Variants in BEND5 observed in about 807,000 individuals in gnomAD.
The protein encoded by BEND5 is BEN domain containing 5.
In BEND5, 22 loss-of-function variants were observed where a neutral mutation model predicts 43.9. The ratio of observed to expected loss-of-function variants is 0.50; its 90% CI spans 0.36 to 0.72. The LOEUF is 0.72. Ranked by LOEUF, BEND5 falls within the 30% of genes least tolerant of loss-of-function variation. BEND5 has a pLI of 0.00. For synonymous variants in BEND5, 228 were observed against 225.9 expected, an observed-to-expected ratio of 1.01 and a Z score of -0.08; for missense variants, 428 against 550.6, an observed-to-expected ratio of 0.78 and a Z score of 2.23.
chr1:48,742,102 C>A (rs1477733894), intron 4 of BEND5, among the ~76,000 whole-genome samples: 2 of 152,238 alleles, frequency 1.3e-5, no homozygotes, highest in Admixed American at 6.5e-5. Flanking sequence ...GCTGCATACA[C>A]AGCTTGAAGG....
rs530030093 is a variant in BEND5 at position 48,756,266 on chromosome 1, G to A, written c.745+2634C>T. On this transcript the variant is annotated intron_variant, in intron 3 of 5. Transcript: ENST00000371833. ...TCATTCAGGCTTCAGCCTAAAAGTTGTTTCCTTCAGGAAGCCTTCCTTCTC... is the reference window on the plus strand; with the variant it reads ...TCATTCAGGCTTCAGCCTAAAAGTTATTTCCTTCAGGAAGCCTTCCTTCTC... 1.2e-4 allele frequency among the ~76,000 whole-genome samples: 18 copies of A among 152,350 alleles called. No homozygotes were observed. The South Asian group carries it at 3.5e-3, about 30-fold the overall frequency.
chr1:48,728,482 CTTT>C (rs11441549), intron 5 of BEND5, among the ~76,000 whole-genome samples: 12 of 137,116 alleles, frequency 8.8e-5, no homozygotes, highest in Non-Finnish European at 9.4e-5. Context: ...TTCTGACTTG[CTTT>C]TTTTTTTTTT....
chr1:48,775,111 C>G (rs1044561025), intron 1 of BEND5, among the ~76,000 whole-genome samples: 3 of 152,170 alleles, frequency 2.0e-5, no homozygotes, highest in Non-Finnish European at 4.4e-5. Flanking sequence ...ACCTAATCAG[C>G]TATGAATGGT....
At chr1:48,735,022 C>T (rs1648793825) in intron 5 of BEND5, among the ~76,000 whole-genome samples, 1 of 152,244 alleles carries the variant, frequency 6.6e-6, no homozygotes, top group Non-Finnish European at 1.5e-5. Context: ...AGTTACTTAA[C>T]ATTTCTGTGT....
At chr1:48,754,162 T>C (rs375828638) in intron 3 of BEND5, among the ~76,000 whole-genome samples, 1 of 152,176 alleles carries the variant, frequency 6.6e-6, no homozygotes, top group South Asian at 2.1e-4. Context: ...ACCGTAGCCT[T>C]GGACTTTGCC....
chr1:48,740,643 T>C (rs1649773852), intron 4 of BEND5, among the ~76,000 whole-genome samples: 1 of 152,154 alleles, frequency 6.6e-6, no homozygotes, highest in South Asian at 2.1e-4. Flanking sequence ...TTGATCAAAA[T>C]ATATTTATGT....
intron 4 of BEND5, among the ~76,000 whole-genome samples, chr1:48,738,050 A>C (rs1649340047): frequency 1.3e-5 from 2 of 152,238 alleles, no homozygotes; most frequent in African/African-American, 2.4e-5. Context: ...CAGACCAGCA[A>C]GATCAATTGT....
intron 4 of BEND5, among the ~76,000 whole-genome samples, chr1:48,742,153 T>A (rs184078867): frequency 2.2e-3 from 328 of 152,324 alleles, no homozygotes; most frequent in African/African-American, 7.4e-3. Context: ...CTTCCCTGTA[T>A]TCCTGTTATC....
chr1:48,743,406 G>A (rs902813920), intron 3 of BEND5, among the ~76,000 whole-genome samples: 1 of 152,338 alleles, frequency 6.6e-6, no homozygotes, highest in African/African-American at 2.4e-5. Context: ...AATGGTGATA[G>A]TTTCTAAAGG....
chr1:48,762,652 G>A lies in BEND5; in HGVS notation c.227-1182C>T, dbSNP rs560339939. Among the ~76,000 whole-genome samples the A allele has an allele frequency of 2.7e-5, 4 of 147,126 alleles. No individual in the cohort carries two copies. In the East Asian group the frequency reaches 6.0e-4, roughly 22 times the overall value. On this transcript the variant is annotated intron_variant, in intron 1 of 5. Coordinates refer to ENST00000371833, the MANE Select transcript of BEND5 (RefSeq NM_024603.4). The stretch of plus-strand genomic sequence containing the variant: ...TGTGTGTGTGTGTGTGTGTGTGTGT[G>A]TGTGTGTATGTATTTGCATGTGTTA...
chr1:48,762,614 TTGTGTG>T (rs58396843), intron 1 of BEND5, among the ~76,000 whole-genome samples: 1,050 of 75,164 alleles, frequency 0.014, 9 homozygotes, highest in South Asian at 0.056. Flanking sequence ...TTTAAGGGTT[TTGTGTG>T]TGTGTGTGTG....
chr1:48,753,026 G>C (rs1394243698), intron 3 of BEND5, among the ~76,000 whole-genome samples: 1 of 152,186 alleles, frequency 6.6e-6, no homozygotes, highest in African/African-American at 2.4e-5. Flanking sequence ...GGGATTACAG[G>C]CGTGAGCCAC....
chr1:48,759,682 G>A (rs1644152172), intron 2 of BEND5, among the ~76,000 whole-genome samples: 1 of 152,166 alleles, frequency 6.6e-6, no homozygotes, highest in South Asian at 2.1e-4. Flanking sequence ...GAGAATCAGG[G>A]AGAAATGAGG....
At chr1:48,750,267 G>A (rs975602854) in intron 3 of BEND5, among the ~76,000 whole-genome samples, 2 of 152,124 alleles carry the variant, frequency 1.3e-5, no homozygotes, top group African/African-American at 4.8e-5. Context: ...CCTGTAGGAG[G>A]GGCTGGGGTA....
At position 48,771,149 on chromosome 1, in the gene BEND5, G is replaced by A. The variant is rs139236426; in HGVS notation, c.226+5457C>T. On this transcript the variant is annotated intron_variant, in intron 1 of 5. Transcript: ENST00000371833. ...CCTGGAGTATAAGACTGACCACCTA[G>A]TATAACTCAATACTTGTGGAACTTA... Among the ~76,000 whole-genome samples, 127 of 152,292 alleles carry A rather than the reference G, an allele frequency of 8.3e-4. 5 individuals carry two copies. In the East Asian group the frequency reaches 0.021, roughly 26 times the overall value.
intron 1 of BEND5, among the ~76,000 whole-genome samples, chr1:48,769,734 C>G (rs1244919983): frequency 6.6e-6 from 1 of 152,178 alleles, no homozygotes; most frequent in Non-Finnish European, 1.5e-5. Context: ...TGAGAACCTA[C>G]TATATGCCAG....
chr1:48,729,877 T>A (rs1196360960), intron 5 of BEND5, among the ~76,000 whole-genome samples: 1 of 152,146 alleles, frequency 6.6e-6, no homozygotes, highest in Non-Finnish European at 1.5e-5. Context: ...TCATCTTGTC[T>A]TGGCCTTTCC....
chr1:48,760,420 G>A (rs186655847), intron 2 of BEND5, among the ~76,000 whole-genome samples: 72 of 152,344 alleles, frequency 4.7e-4, no homozygotes, highest in Middle Eastern at 6.8e-3. Context: ...CCAGCCCAAT[G>A]AAACCATGAC....
At chr1:48,737,976 A>G (rs190931175) in intron 4 of BEND5, among the ~76,000 whole-genome samples, 1 of 152,324 alleles carries the variant, frequency 6.6e-6, no homozygotes, top group Non-Finnish European at 1.5e-5. Flanking sequence ...CCAATATCAC[A>G]TGGTCAGAGA....
Sources: allele counts gnomAD v4.1 joint callset (sites outside exome capture counted in the v4.1 genomes callset), GRCh38; gene constraint gnomAD v4.1.1; transcripts MANE v1.5; gene names NCBI Gene and HGNC (gene_info 2026-07-23, HGNC 2026-07-21).